The following BBX variants were observed in gnomAD, a reference collection of about 807,000 sequenced individuals.
The protein encoded by BBX is BBX high mobility group box domain containing.
BBX carries 30 observed loss-of-function variants against 100.2 expected under a neutral mutation model. That is an observed-to-expected ratio of 0.30 (90% CI 0.22 to 0.41). The LOEUF (loss-of-function observed/expected upper bound fraction) is 0.41, where lower values mean the gene tolerates loss of function less well. Ranked by LOEUF, BBX falls within the 10% of genes least tolerant of loss-of-function variation. BBX has a pLI of 1.00. For synonymous variants in BBX, 376 were observed against 388.1 expected, an observed-to-expected ratio of 0.97 and a Z score of 0.37; for missense variants, 1,023 against 1,129.8, an observed-to-expected ratio of 0.91 and a Z score of 1.35.
intron 12 of BBX, 32 bp downstream of exon 12, chr3:107,774,889 C>T (rs1048022266): frequency 6.2e-7 from 1 of 1,604,080 alleles, no homozygotes; most frequent in Non-Finnish European, 8.5e-7. Context: ...CACCTGTACT[C>T]CACAAGCCTC....
chr3:107,716,817 GA>G lies in BBX; in HGVS notation c.377del (p.Lys126SerfsTer16). ...TTGGTGGGCTGTTCTTGATCCAAAG[GA>G]AAAGCAGAAATACACAGACATGGCC... ...ADWWAVLDPK[E>X]KQKYTDMAKE... On this transcript the variant is annotated frameshift_variant, in exon 5 of 18. Coordinates refer to ENST00000325805, the MANE Select transcript of BBX (RefSeq NM_001142568.3). LOFTEE classifies it high-confidence loss of function. 1 of 1,613,532 alleles carries G rather than the reference GA, an allele frequency of 6.2e-7. No individual in the cohort carries two copies. Among genetic ancestry groups the G allele is most frequent in the Non-Finnish European group, 8.5e-7 (1 of 1,179,596 alleles).
chr3:107,601,210 C>T (rs180915693), intron 2 of BBX, among the ~76,000 whole-genome samples: 1 of 152,234 alleles, frequency 6.6e-6, no homozygotes, highest in East Asian at 1.9e-4. Context: ...ATCTTTCTCC[C>T]TCAGGCCTCC....
rs902188782 is a variant in BBX at position 107,555,927 on chromosome 3, A to G, written c.-84+29529A>G. ...CCTCAGAAAAGATAATAGAAAATAC[A>G]TATTTCTGCAAAAATATAATTTAAA... On this transcript the variant is annotated intron_variant, in intron 2 of 17. Coordinates refer to ENST00000325805, the MANE Select transcript of BBX (RefSeq NM_001142568.3). Among the ~76,000 whole-genome samples, 5 of 152,232 alleles carry G rather than the reference A, an allele frequency of 3.3e-5. No individual in the cohort carries two copies. In the East Asian group the frequency reaches 9.6e-4, roughly 29 times the overall value.
At chr3:107,800,014 CTTAG>C (rs1051692855) in intron 16 of BBX, among the ~76,000 whole-genome samples, 1 of 152,096 alleles carries the variant, frequency 6.6e-6, no homozygotes, top group Non-Finnish European at 1.5e-5. Flanking sequence ...GAACTGTTTG[CTTAG>C]TTAGAGGACA....
chr3:107,524,169 G>C (rs950452124), intron 1 of BBX: 2 of 152,360 alleles, frequency 1.3e-5, no homozygotes, highest in Non-Finnish European at 2.9e-5. Flanking sequence ...GGAAGGCCTT[G>C]GCCGTTTAAA....
At chr3:107,715,754 G>T (rs2062054782) in intron 4 of BBX, among the ~76,000 whole-genome samples, 1 of 152,224 alleles carries the variant, frequency 6.6e-6, no homozygotes, top group Non-Finnish European at 1.5e-5. Context: ...GTGGTACTAG[G>T]GCAGTGGGAA....
At chr3:107,597,853 G>A (rs1299534276) in intron 2 of BBX, among the ~76,000 whole-genome samples, 2 of 152,002 alleles carry the variant, frequency 1.3e-5, no homozygotes, top group African/African-American at 4.8e-5. Context: ...GTTTTGTTTT[G>A]TTTTGTTTTG....
chr3:107,634,801 G>C (rs775725321), intron 2 of BBX, among the ~76,000 whole-genome samples: 1 of 152,174 alleles, frequency 6.6e-6, no homozygotes, highest in African/African-American at 2.4e-5. Flanking sequence ...TCTTAGGTCT[G>C]AATTTACATT....
intron 15 of BBX, among the ~76,000 whole-genome samples, chr3:107,793,975 A>G (rs1451458689): frequency 6.6e-6 from 1 of 152,014 alleles, no homozygotes; most frequent in Non-Finnish European, 1.5e-5. Flanking sequence ...ACTTTTTGAA[A>G]TTTCGGTATA....
intron 17 of BBX, 88 bp downstream of exon 17, chr3:107,801,369 G>C: frequency 6.9e-7 from 1 of 1,442,226 alleles, no homozygotes; most frequent in Non-Finnish European, 9.3e-7. Context: ...ACAGGGCATT[G>C]GGGTTCAAAC....
At chr3:107,665,717 T>C (rs2058703803) in intron 3 of BBX, among the ~76,000 whole-genome samples, 1 of 152,192 alleles carries the variant, frequency 6.6e-6, no homozygotes, top group Non-Finnish European at 1.5e-5. Flanking sequence ...TGCTCCTTCT[T>C]CTCTTCCCTC....
intron 13 of BBX, among the ~76,000 whole-genome samples, chr3:107,785,993 G>C (rs1709896222): frequency 6.6e-6 from 1 of 151,922 alleles, no homozygotes; most frequent in Non-Finnish European, 1.5e-5. Flanking sequence ...CAGGTTATAA[G>C]GTCATTAGAT....
chr3:107,646,413 A>C (rs2057522730), intron 3 of BBX, among the ~76,000 whole-genome samples: 1 of 152,162 alleles, frequency 6.6e-6, no homozygotes, highest in Non-Finnish European at 1.5e-5. Flanking sequence ...GAAAAAGTTG[A>C]GATTTTAAAA....
intron 2 of BBX, among the ~76,000 whole-genome samples, chr3:107,580,210 C>G (rs889184815): frequency 1.3e-5 from 2 of 152,070 alleles, no homozygotes; most frequent in Non-Finnish European, 2.9e-5. Flanking sequence ...TAATGTAATA[C>G]AAAATAGGCT....
intron 2 of BBX, among the ~76,000 whole-genome samples, chr3:107,644,991 C>T (rs1369076873): frequency 6.6e-6 from 1 of 152,002 alleles, no homozygotes; most frequent in Non-Finnish European, 1.5e-5. Context: ...TTGATAGAGC[C>T]ATAAGCCAGA....
At chr3:107,764,062 A>G (rs997872362) in intron 10 of BBX, among the ~76,000 whole-genome samples, 10 of 152,186 alleles carry the variant, frequency 6.6e-5, no homozygotes, top group Non-Finnish European at 4.4e-5. Context: ...GCACGATCTC[A>G]GCTCGCTGCA....
intron 3 of BBX, among the ~76,000 whole-genome samples, chr3:107,680,970 T>C (rs971967535): frequency 6.6e-6 from 1 of 152,156 alleles, no homozygotes. Flanking sequence ...TGTGCCTCTT[T>C]ACGTGTGTTG....
intron 2 of BBX, among the ~76,000 whole-genome samples, chr3:107,556,273 T>A (rs946269380): frequency 1.1e-4 from 17 of 152,230 alleles, no homozygotes; most frequent in African/African-American, 3.6e-4. Context: ...ATTCAATAGA[T>A]GTTTATTGAA....
chr3:107,666,264 A>G (rs1433043798), intron 3 of BBX, among the ~76,000 whole-genome samples: 2 of 152,172 alleles, frequency 1.3e-5, no homozygotes, highest in African/African-American at 2.4e-5. Flanking sequence ...TTGTTCTTTA[A>G]CAAAGGTCAG....
Sources: gnomAD v4.1 joint callset for allele counts (sites outside exome capture counted in the v4.1 genomes callset) on GRCh38, gnomAD v4.1.1 for gene constraint, MANE v1.5 for transcripts, NCBI Gene and HGNC (gene_info 2026-07-23, HGNC 2026-07-21) for gene names.